Variants in OSBPL9 observed in about 807,000 individuals in gnomAD.
The protein encoded by OSBPL9 is oxysterol binding protein like 9.
OSBPL9 carries 40 observed loss-of-function variants against 106.6 expected under a neutral mutation model. The ratio of observed to expected loss-of-function variants is 0.38; its 90% CI spans 0.29 to 0.49. The LOEUF (loss-of-function observed/expected upper bound fraction) is 0.49, where lower values mean the gene tolerates loss of function less well. Among genes scored for constraint, OSBPL9 ranks in the 20% least tolerant of loss-of-function variants. OSBPL9 has a pLI of 0.97. For missense variants in OSBPL9, 609 were observed against 887.2 expected (o/e 0.69, Z 3.98); for synonymous variants, 269 against 295.4 (o/e 0.91, Z 0.92).
chr1:51,766,690 T>C (rs918028740), intron 12 of OSBPL9, among the ~76,000 whole-genome samples: 1 of 152,084 alleles, frequency 6.6e-6, no homozygotes, highest in African/African-American at 2.4e-5. Flanking sequence ...AGAAAAGCTT[T>C]TTATTGCAAG....
intron 1 of OSBPL9, chr1:51,582,989 TG>T (rs1473034773): frequency 6.6e-6 from 1 of 151,908 alleles, no homozygotes; most frequent in Non-Finnish European, 1.5e-5. Flanking sequence ...CTTTGGGGAC[TG>T]GGGTGGGAGG....
Position 51,701,337 on chromosome 1 carries a change from T to C in OSBPL9, c.242-12666T>C, listed in dbSNP as rs532561273. ...ATATTGGACTTGTGGATATTTATTA[T>C]ATTCTATGGGTTATAGTCCAGTACT... On this transcript the variant is annotated intron_variant, in intron 3 of 23. Transcript: ENST00000428468. Among the ~76,000 whole-genome samples, 3 of 152,360 alleles carry C rather than the reference T, an allele frequency of 2.0e-5. No homozygotes were observed. In the South Asian group the frequency reaches 6.2e-4, roughly 32 times the overall value.
At chr1:51,661,424 A>C (rs1008556359) in intron 2 of OSBPL9, among the ~76,000 whole-genome samples, 4 of 152,208 alleles carry the variant, frequency 2.6e-5, no homozygotes, top group African/African-American at 9.7e-5. Context: ...GTATAGAAAA[A>C]AAACGAAAAG....
chr1:51,634,365 C>A (rs920946830), intron 1 of OSBPL9, among the ~76,000 whole-genome samples: 8 of 152,108 alleles, frequency 5.3e-5, no homozygotes, highest in African/African-American at 1.9e-4. Context: ...CTTTAATCAA[C>A]TCTGTGAATA....
chr1:51,623,919 A>G (rs1013476231), intron 1 of OSBPL9, among the ~76,000 whole-genome samples: 1 of 151,648 alleles, frequency 6.6e-6, no homozygotes, highest in Non-Finnish European at 1.5e-5. Context: ...GAGCTTATAT[A>G]TGGTACTTTT....
At chr1:51,772,352 A>G (rs750180974) in intron 13 of OSBPL9, among the ~76,000 whole-genome samples, 170 bp downstream of exon 13, 3 of 152,132 alleles carry the variant, frequency 2.0e-5, no homozygotes, top group Non-Finnish European at 4.4e-5. Flanking sequence ...TCTCTACTAA[A>G]AAAATACAAA....
At chr1:51,752,542 G>C in intron 8 of OSBPL9, 3 of 456,048 alleles carry the variant, frequency 6.6e-6, no homozygotes, top group Non-Finnish European at 1.3e-5. Context: ...CTTACCACTT[G>C]TATTAGTCTG....
At chr1:51,783,122 A>G (rs1393779151) in intron 17 of OSBPL9, among the ~76,000 whole-genome samples, 2 of 152,106 alleles carry the variant, frequency 1.3e-5, no homozygotes, top group African/African-American at 4.8e-5. Context: ...ACCTAATACA[A>G]TGTAAATGCT....
At chr1:51,744,886 A>C (rs1667656661) in intron 4 of OSBPL9, among the ~76,000 whole-genome samples, 1 of 152,220 alleles carries the variant, frequency 6.6e-6, no homozygotes, top group South Asian at 2.1e-4. Flanking sequence ...AGAAATAAGT[A>C]GGCCTTCTAA....
the OSBPL9 span, among the ~76,000 whole-genome samples, chr1:51,530,202 A>AAAC: frequency 6.9e-6 from 1 of 144,764 alleles, no homozygotes; most frequent in African/African-American, 2.5e-5. Flanking sequence ...ACAAAAAAAA[A>AAAC]AAACCTCTAA....
At chr1:51,663,300 G>GTGTGTGTA (rs1647560900) in intron 2 of OSBPL9, among the ~76,000 whole-genome samples, 1 of 129,806 alleles carries the variant, frequency 7.7e-6, no homozygotes, top group Admixed American at 7.3e-5. Context: ...TGGCAAGTGT[G>GTGTGTGTA]TGTGTGTGTG....
chr1:51,602,055 C>G (rs1231960254), intron 2 of OSBPL9, among the ~76,000 whole-genome samples: 3 of 80,768 alleles, frequency 3.7e-5, no homozygotes, highest in Non-Finnish European at 6.8e-5. Context: ...GAGTCTCACT[C>G]TTTCACCCAG....
chr1:51,551,559 G>GTCATTTAT, the OSBPL9 span, among the ~76,000 whole-genome samples: 1 of 151,522 alleles, frequency 6.6e-6, no homozygotes, highest in Non-Finnish European at 1.5e-5. Context: ...TCTTCCAACA[G>GTCATTTAT]TCATTTATTT....
the OSBPL9 span, among the ~76,000 whole-genome samples, chr1:51,541,887 C>CTT: frequency 4.1e-5 from 6 of 147,306 alleles, no homozygotes; most frequent in Admixed American, 2.0e-4. Flanking sequence ...TTTACCCAGC[C>CTT]TTTTTTTTTT....
intron 14 of OSBPL9, among the ~76,000 whole-genome samples, chr1:51,772,949 A>C (rs1225125678): frequency 6.6e-6 from 1 of 152,250 alleles, no homozygotes; most frequent in Non-Finnish European, 1.5e-5. Flanking sequence ...GTATGGATTA[A>C]GATTTGGTAG....
intron 3 of OSBPL9, among the ~76,000 whole-genome samples, chr1:51,676,302 G>A (rs376729760): frequency 3.9e-5 from 6 of 151,926 alleles, no homozygotes; most frequent in East Asian, 1.9e-4. Context: ...ATGGTGGTGC[G>A]TGCTGTAGTC....
At chr1:51,622,919 C>T (rs1029286782) in intron 1 of OSBPL9, among the ~76,000 whole-genome samples, 3 of 152,124 alleles carry the variant, frequency 2.0e-5, no homozygotes, top group Non-Finnish European at 4.4e-5. Flanking sequence ...AATTTTAAAC[C>T]ACCACAATCA....
the OSBPL9 span, among the ~76,000 whole-genome samples, chr1:51,550,280 G>GA: frequency 2.6e-5 from 4 of 152,062 alleles, no homozygotes. Context: ...AGGTAGTACA[G>GA]AAAAAAATAA....
intron 2 of OSBPL9, among the ~76,000 whole-genome samples, chr1:51,664,756 G>C (rs994245837): frequency 3.3e-5 from 5 of 152,074 alleles, no homozygotes; most frequent in African/African-American, 1.2e-4. Flanking sequence ...TTAGAACTAA[G>C]GATAGTATTT....
Sources: allele counts gnomAD v4.1 joint callset (sites outside exome capture counted in the v4.1 genomes callset), GRCh38; gene constraint gnomAD v4.1.1; transcripts MANE v1.5; gene names NCBI Gene and HGNC (gene_info 2026-07-23, HGNC 2026-07-21).